The following DOP1B variants were observed in gnomAD, a reference collection of about 807,000 sequenced individuals.
The protein encoded by DOP1B is protein DOP1B.
Under a neutral mutation model 233.5 loss-of-function variants are expected in DOP1B, and 174 were observed. The ratio of observed to expected loss-of-function variants is 0.75; its 90% CI spans 0.66 to 0.85. DOP1B has a LOEUF of 0.85. Ranked by LOEUF, DOP1B falls within the 40% of genes least tolerant of loss-of-function variation. DOP1B has a pLI of 0.00. For missense variants in DOP1B, 2,652 were observed against 2,846.6 expected, an observed-to-expected ratio of 0.93 and a Z score of 1.56; for synonymous variants, 1,190 against 1,185.6, an observed-to-expected ratio of 1.00 and a Z score of -0.08.
At chr21:36,180,911 T>C (rs7275804) in intron 2 of DOP1B, among the ~76,000 whole-genome samples, 52,701 of 151,580 alleles carry the variant, frequency 0.35, 9,165 homozygotes, top group Admixed American at 0.39. Flanking sequence ...TATTCACTTA[T>C]GTCCTTAAGA....
chr21:36,277,578 G>A (rs1244703625), intron 28 of DOP1B, among the ~76,000 whole-genome samples: 1 of 152,102 alleles, frequency 6.6e-6, no homozygotes, highest in Non-Finnish European at 1.5e-5. Context: ...ACCGCTCCCA[G>A]CCATAACTGC....
intron 32 of DOP1B, among the ~76,000 whole-genome samples, chr21:36,286,977 A>T (rs1452820648): frequency 6.6e-6 from 1 of 151,800 alleles, no homozygotes; most frequent in Non-Finnish European, 1.5e-5. Context: ...AAAAAAAAAA[A>T]TTTATTACTA....
At chr21:36,228,412 A>G in intron 13 of DOP1B, among the ~76,000 whole-genome samples, 1 of 150,838 alleles carries the variant, frequency 6.6e-6, no homozygotes, top group East Asian at 2.0e-4. Context: ...GCAGTGAGCC[A>G]TCACGCCACT....
Position 36,288,030 on chromosome 21 carries a change from T to C in DOP1B, c.6177T>C (p.Asn2059=). The change falls in exon 33 of 37, where the codon AAT becomes AAC. Residue 2059 remains asparagine (N), a synonymous_variant. Transcript: ENST00000691173. ...LPLIQERLTD[N]LRVGQTSIVA... is the part of the protein sequence containing the mutation. ...TTTCCTTAGAACGCCTGACAGACAATCTCAGAGTTGGACAGACATCCATAG... is the reference window on the plus strand; with the variant it reads ...TTTCCTTAGAACGCCTGACAGACAACCTCAGAGTTGGACAGACATCCATAG... The C allele has an allele frequency of 6.2e-7, 1 of 1,613,656 alleles. No individual in the cohort carries two copies. Among genetic ancestry groups the C allele is most frequent in the Non-Finnish European group, 8.5e-7 (1 of 1,179,928 alleles).
intron 23 of DOP1B, among the ~76,000 whole-genome samples, chr21:36,257,696 G>T (rs1415217888): frequency 6.6e-6 from 1 of 151,572 alleles, no homozygotes; most frequent in African/African-American, 2.4e-5. Context: ...AGGTAGGTAG[G>T]TAGAGAGATG....
intron 17 of DOP1B, 103 bp downstream of exon 17, chr21:36,238,804 A>T: frequency 8.7e-7 from 1 of 1,146,354 alleles, no homozygotes; most frequent in Non-Finnish European, 1.3e-6. Flanking sequence ...CGTGCAGTTG[A>T]AAACATGAAC....
intron 10 of DOP1B, among the ~76,000 whole-genome samples, chr21:36,219,996 C>T (rs930659992): frequency 2.0e-5 from 3 of 151,972 alleles, no homozygotes; most frequent in Admixed American, 6.6e-5. Flanking sequence ...TCCATTCCCC[C>T]AGAGGCAGAG....
chr21:36,252,155 C>T (rs114402076), intron 22 of DOP1B, among the ~76,000 whole-genome samples: 17,200 of 150,278 alleles, frequency 0.11, 1,461 homozygotes, highest in East Asian at 0.33. Context: ...CCAGCCTGGG[C>T]GACAAAGCAA....
intron 7 of DOP1B, 72 bp downstream of exon 7, chr21:36,212,169 G>A: frequency 6.8e-7 from 1 of 1,468,236 alleles, no homozygotes; most frequent in Non-Finnish European, 9.0e-7. Context: ...TCTGGAATAA[G>A]ATTTGGTCTT....
intron 18 of DOP1B, among the ~76,000 whole-genome samples, chr21:36,242,755 TAA>T (rs1462594907): frequency 6.6e-6 from 1 of 152,222 alleles, no homozygotes; most frequent in African/African-American, 2.4e-5. Context: ...AAAAAAATGA[TAA>T]GTGTCCTGCT....
At chr21:36,220,264 G>A (rs955000896) in intron 10 of DOP1B, among the ~76,000 whole-genome samples, 2 of 152,122 alleles carry the variant, frequency 1.3e-5, no homozygotes, top group Non-Finnish European at 2.9e-5. Flanking sequence ...CAGAATGAAA[G>A]CGGTTTATTG....
At chr21:36,198,237 G>A (rs1368259036) in intron 2 of DOP1B, among the ~76,000 whole-genome samples, 1 of 151,954 alleles carries the variant, frequency 6.6e-6, no homozygotes, top group Non-Finnish European at 1.5e-5. Flanking sequence ...AGACCATCCT[G>A]GCTAACGCGG....
chr21:36,163,085 G>A (rs2065881937), intron 1 of DOP1B, among the ~76,000 whole-genome samples: 1 of 152,168 alleles, frequency 6.6e-6, no homozygotes, highest in East Asian at 1.9e-4. Context: ...GGTGGCTCAC[G>A]CCTGTAATCC....
intron 18 of DOP1B, among the ~76,000 whole-genome samples, chr21:36,240,550 T>C (rs1236985033): frequency 6.6e-6 from 1 of 152,230 alleles, no homozygotes; most frequent in Non-Finnish European, 1.5e-5. Flanking sequence ...TGGTTTATTT[T>C]CTATCTGTGC....
At chr21:36,257,776 G>A (rs1412211717) in intron 23 of DOP1B, among the ~76,000 whole-genome samples, 1 of 92,462 alleles carries the variant, frequency 1.1e-5, no homozygotes, top group Non-Finnish European at 2.1e-5. Flanking sequence ...GTAGAGAGAT[G>A]TAGGTAGGTA....
At chr21:36,216,805 G>A (rs1171459731) in intron 9 of DOP1B, among the ~76,000 whole-genome samples, 1 of 152,122 alleles carries the variant, frequency 6.6e-6, no homozygotes, top group Non-Finnish European at 1.5e-5. Context: ...GGCCGGGTGT[G>A]GTGGCTCATG....
Position 36,212,622 on chromosome 21 carries a change from A to G in DOP1B, c.904+525A>G, listed in dbSNP as rs7275228. Among the ~76,000 whole-genome samples the G allele has an allele frequency of 7.7e-3, 1,174 of 152,256 alleles. 14 individuals are homozygous for G. The highest frequency in any genetic ancestry group is 0.026 in the African/African-American group (1,073 of 41,520). ...ATTTGTTGGCAAAGGGCCCTTGACTATTGGTTGGAAGGCCTCCCAGGGACA... is the reference window on the plus strand; with the variant it reads ...ATTTGTTGGCAAAGGGCCCTTGACTGTTGGTTGGAAGGCCTCCCAGGGACA... On this transcript the variant is annotated intron_variant, in intron 7 of 36. Coordinates refer to ENST00000691173, the MANE Select transcript of DOP1B (RefSeq NM_001320714.2).
intron 7 of DOP1B, among the ~76,000 whole-genome samples, chr21:36,212,457 A>G (rs2066510997): frequency 6.6e-6 from 1 of 152,230 alleles, no homozygotes; most frequent in Non-Finnish European, 1.5e-5. Context: ...GAAAACTTAC[A>G]AATATTGTGG....
rs73381543 is a variant in DOP1B at position 36,273,484 on chromosome 21, C to T, written c.5632+3327C>T. The stretch of plus-strand genomic sequence containing the variant: ...GAATTTCAGGTGGGACTTAGTACTG[C>T]GAGGAAAGTAAGAGTAATGTGATAA... On this transcript the variant is annotated intron_variant, in intron 27 of 36. Transcript: ENST00000691173. 4.7e-3 allele frequency among the ~76,000 whole-genome samples: 715 copies of T among 151,940 alleles called. 5 individuals carry two copies. The highest frequency in any genetic ancestry group is 0.016 in the African/African-American group (665 of 41,442).
Sources: gnomAD v4.1 joint callset for allele counts (sites outside exome capture counted in the v4.1 genomes callset) on GRCh38, gnomAD v4.1.1 for gene constraint, MANE v1.5 for transcripts, NCBI Gene and HGNC (gene_info 2026-07-23, HGNC 2026-07-21) for gene names.